Variants in DYNLT2 observed in about 807,000 individuals in gnomAD.
DYNLT2 encodes the protein dynein light chain Tctex-type protein 2.
DYNLT2 carries 24 observed loss-of-function variants against 24.3 expected under a neutral mutation model. The ratio of observed to expected loss-of-function variants is 0.99; its 90% CI spans 0.71 to 1.39. The LOEUF (loss-of-function observed/expected upper bound fraction) is 1.39, where lower values mean the gene tolerates loss of function less well. Among genes scored for constraint, DYNLT2 ranks in the 40% most tolerant of loss-of-function variants. The probability of loss-of-function intolerance (pLI) is 0.00; values close to 1 mark genes in which losing one functional copy is unlikely to be tolerated. For synonymous variants in DYNLT2, 85 were observed against 85.4 expected (o/e 1.00, Z 0.03); for missense variants, 246 against 234.5 (o/e 1.05, Z -0.32).
At chr6:169,742,872 T>C (rs1789709603) in intron 3 of DYNLT2, among the ~76,000 whole-genome samples, 1 of 152,224 alleles carries the variant, frequency 6.6e-6, no homozygotes, top group African/African-American at 2.4e-5. Context: ...CTACTGGGAT[T>C]ACAGGCATGA....
chr6:169,730,758 C>A, the DYNLT2 span, among the ~76,000 whole-genome samples: 1 of 152,096 alleles, frequency 6.6e-6, no homozygotes, highest in Non-Finnish European at 1.5e-5. Context: ...ATTAGCCGGG[C>A]ATGGTGGCAG....
In DYNLT2 at chr6:169,751,512, A is replaced by T; in HGVS notation, c.-54T>A. Reference sequence around the variant, plus strand: ...CCTCCCCTTCACCGCCGGCGGTCAAACGCCCTAGCCAGTCCCGCGAGGGCG... The same window carrying T: ...CCTCCCCTTCACCGCCGGCGGTCAATCGCCCTAGCCAGTCCCGCGAGGGCG... On this transcript the variant is annotated 5_prime_UTR_variant, in exon 1 of 4. Coordinates refer to ENST00000366774, the MANE Select transcript of DYNLT2 (RefSeq NM_174910.3). The T allele has an allele frequency of 6.2e-7, 1 of 1,610,306 alleles. No homozygotes were observed. The highest frequency in any genetic ancestry group is 8.5e-7 in the Non-Finnish European group (1 of 1,178,400).
the DYNLT2 span, among the ~76,000 whole-genome samples, chr6:169,726,795 AC>A: frequency 6.6e-6 from 1 of 152,232 alleles, no homozygotes; most frequent in Non-Finnish European, 1.5e-5. Context: ...ATATAAAAAA[AC>A]CATTTATTCA....
chr6:169,745,654 A>G (rs1789780080), intron 1 of DYNLT2, among the ~76,000 whole-genome samples: 1 of 152,188 alleles, frequency 6.6e-6, no homozygotes, highest in Non-Finnish European at 1.5e-5. Context: ...TCCTTTAAAT[A>G]AAATGCTGAA....
Position 169,743,665 on chromosome 6 carries a change from G to T in DYNLT2, c.327+403C>A, listed in dbSNP as rs141834662. Among the ~76,000 whole-genome samples, 433 of 152,288 alleles carry T rather than the reference G, an allele frequency of 2.8e-3. 7 individuals carry two copies. The highest frequency in any genetic ancestry group is 0.02 in the Middle Eastern group (6 of 294). On this transcript the variant is annotated intron_variant, in intron 2 of 3. Transcript: ENST00000366774. Reference sequence around the variant, plus strand: ...TACTTGGACTCAGAACCTGTACCAAGTCACTGCCCTGCTCAGTGGGCTCAT... The same window carrying T: ...TACTTGGACTCAGAACCTGTACCAATTCACTGCCCTGCTCAGTGGGCTCAT...
chr6:169,740,363 A>T, intron 3 of DYNLT2, 68 bp from the exon 4 acceptor site: 1 of 934,978 alleles, frequency 1.1e-6, no homozygotes, highest in South Asian at 1.4e-5. Flanking sequence ...TCAAATCTAC[A>T]CTAGTTTTTT....
intron 3 of DYNLT2, 70 bp from the exon 4 acceptor site, chr6:169,740,365 T>C: frequency 1.1e-6 from 1 of 921,310 alleles, no homozygotes; most frequent in Non-Finnish European, 1.8e-6. Flanking sequence ...AAATCTACAC[T>C]AGTTTTTTAA....
intron 1 of DYNLT2, chr6:169,750,819 G>A (rs1303872226): frequency 6.6e-6 from 1 of 152,326 alleles, no homozygotes; most frequent in African/African-American, 2.4e-5. Context: ...GTTTTGGACA[G>A]GGTATTTTCA....
chr6:169,744,092 T>G lies in DYNLT2; in HGVS notation c.303A>C (p.Glu101Asp), dbSNP rs999119993. 6.2e-6 allele frequency: 10 copies of G among 1,612,556 alleles called. No individual in the cohort carries two copies. The highest frequency in any genetic ancestry group is 8.5e-6 in the Non-Finnish European group (10 of 1,179,976). ...CTGTTAGTATCTGCTGGACTTTAGT[T>G]TCTACTGAATGAGCTTGGAATTTCT... ...PLKKFQAHSV[E>D]TKVQQILTES... The change falls in exon 2 of 4, where the codon GAA becomes GAC. Residue 101 changes from glutamate (E) to aspartate (D), a missense_variant. Coordinates refer to ENST00000366774, the MANE Select transcript of DYNLT2 (RefSeq NM_174910.3).
At chr6:169,743,353 T>C (rs1396677619) in intron 2 of DYNLT2, 115 bp from the exon 3 acceptor site, 3 of 437,778 alleles carry the variant, frequency 6.9e-6, no homozygotes, top group African/African-American at 6.1e-5. Flanking sequence ...AAAATAAATA[T>C]ATTCCTAACT....
chr6:169,732,825 G>C, the DYNLT2 span, among the ~76,000 whole-genome samples: 1 of 152,142 alleles, frequency 6.6e-6, no homozygotes, highest in African/African-American at 2.4e-5. Flanking sequence ...GGGTCAAATG[G>C]TATTTCTGGT....
At chr6:169,727,961 T>G in the DYNLT2 span, among the ~76,000 whole-genome samples, 4 of 152,184 alleles carry the variant, frequency 2.6e-5, no homozygotes, top group East Asian at 7.7e-4. Flanking sequence ...ATACAGAAGA[T>G]CTGAGGAAGA....
rs2027063 is a variant in DYNLT2, at chr6:169,744,132, C to A, written c.263G>T (p.Arg88Ile). The change falls in exon 2 of 4, where the codon AGA becomes ATA. Residue 88 changes from arginine to isoleucine, a missense_variant. Physicochemically the swap from Arg to Ile is moderately conservative, Grantham distance 97 (BLOSUM62 -3). Transcript: ENST00000366774. ...LAKLKFANSYRMEPLKKFQAH... is the reference protein window; with the variant it reads ...LAKLKFANSYIMEPLKKFQAH... ...TTGGAATTTCTTCAATGGCTCCATT[C>A]TATATGAATTAGCAAACTTTAATTT... The A allele has an allele frequency of 0.052, 84,068 of 1,613,030 alleles. 6,453 individuals are homozygous for A. The highest frequency in any genetic ancestry group is 0.33 in the African/African-American group (24,580 of 74,944).
At chr6:169,733,229 G>A in the DYNLT2 span, among the ~76,000 whole-genome samples, 1 of 151,704 alleles carries the variant, frequency 6.6e-6, no homozygotes, top group African/African-American at 2.4e-5. Context: ...CTCCCATTCT[G>A]TAGGTTGCCA....
rs1181253852 is a variant in DYNLT2 at position 169,743,080 on chromosome 6, A to G, written c.486T>C (p.Asn162=). 1 of 1,545,008 alleles carries G rather than the reference A, an allele frequency of 6.5e-7. No individual in the cohort carries two copies. The highest frequency in any genetic ancestry group is 1.3e-5 in the South Asian group (1 of 79,296). The change falls in exon 3 of 4, where the codon AAT becomes AAC. Residue 162 remains asparagine (N), a splice_region_variant and synonymous_variant. Coordinates refer to ENST00000366774, the MANE Select transcript of DYNLT2 (RefSeq NM_174910.3). ...GATCCTGTATCAATGGGGTACTTAC[A>G]TTTATTGCTTGGCCAGTCTTTTGAA... ...LFIQKTGQAI[N]IASRWIWDIA... is the part of the protein sequence containing the mutation.
chr6:169,747,222 T>C (rs1789827492), intron 1 of DYNLT2, among the ~76,000 whole-genome samples: 1 of 152,096 alleles, frequency 6.6e-6, no homozygotes, highest in Non-Finnish European at 1.5e-5. Context: ...TCCTTTGTTC[T>C]AGTTGCCTTT....
downstream of DYNLT2, chr6:169,739,041 A>G (rs770849475): frequency 1.3e-5 from 2 of 152,038 alleles, no homozygotes; most frequent in Non-Finnish European, 2.9e-5. Flanking sequence ...AGATAATTCA[A>G]CTAATAGGTA....
the DYNLT2 span, among the ~76,000 whole-genome samples, chr6:169,734,747 CTTT>C: frequency 4.6e-5 from 7 of 151,278 alleles, no homozygotes; most frequent in African/African-American, 1.7e-4. Context: ...CTGAAGTTTT[CTTT>C]TTTTTTGTTG....
At chr6:169,733,671 CT>C in the DYNLT2 span, among the ~76,000 whole-genome samples, 6 of 152,150 alleles carry the variant, frequency 3.9e-5, no homozygotes, top group Non-Finnish European at 7.4e-5. Context: ...CAGTACCATG[CT>C]GTTTTGGTTA....
Sources: allele counts gnomAD v4.1 joint callset (sites outside exome capture counted in the v4.1 genomes callset), GRCh38; gene constraint gnomAD v4.1.1; transcripts MANE v1.5; gene names NCBI Gene and HGNC (gene_info 2026-07-23, HGNC 2026-07-21).